STK17A: variants seen among roughly 807,000 people sequenced by gnomAD.
STK17A encodes serine/threonine kinase 17a.
A neutral mutation model predicts 43.7 loss-of-function variants in STK17A; 26 were observed. That is an observed-to-expected ratio of 0.60 (90% CI 0.44 to 0.83). The LOEUF (loss-of-function observed/expected upper bound fraction) is 0.83. Ranked by LOEUF, STK17A falls within the 40% of genes least tolerant of loss-of-function variation. The pLI is 0.00. For missense variants in STK17A, 476 were observed against 511.6 expected, an observed-to-expected ratio of 0.93 and a Z score of 0.67; for synonymous variants, 191 against 182.5, an observed-to-expected ratio of 1.05 and a Z score of -0.38.
chr7:43,585,426 C>T lies in STK17A; in HGVS notation c.206+1977C>T, dbSNP rs565011715. Among the ~76,000 whole-genome samples the T allele has an allele frequency of 2.4e-4, 37 of 151,508 alleles. 1 individual carries two copies. The South Asian group carries it at 7.5e-3, about 31-fold the overall frequency. On this transcript the variant is annotated intron_variant, in intron 1 of 6. Transcript: ENST00000319357. ...TAAACTCCATTATAAAATTAGCTTT[C>T]CGATCAGGTTTTTTTTTAAGATTGT... is the stretch of plus-strand genomic sequence containing the variant.
chr7:43,591,192 AG>A (rs1362677349), intron 1 of STK17A, among the ~76,000 whole-genome samples: 2 of 151,724 alleles, frequency 1.3e-5, no homozygotes, highest in Non-Finnish European at 3.0e-5. Flanking sequence ...AGGATAGAGC[AG>A]GGGTCAGCAA....
chr7:43,604,847 G>A (rs370235371), intron 2 of STK17A, among the ~76,000 whole-genome samples: 81 of 152,098 alleles, frequency 5.3e-4, no homozygotes, highest in African/African-American at 1.9e-3. Context: ...TAGATCCCTG[G>A]GGTCCTGTTT....
intron 4 of STK17A, among the ~76,000 whole-genome samples, chr7:43,621,552 C>G (rs6463199): frequency 0.83 from 125,801 of 152,120 alleles, 52,473 homozygotes; most frequent in African/African-American, 0.94. Context: ...ATCATAGCTT[C>G]CTGCAGCTCC....
intron 1 of STK17A, among the ~76,000 whole-genome samples, chr7:43,590,773 A>G (rs1299530782): frequency 1.3e-5 from 2 of 151,376 alleles, no homozygotes; most frequent in Non-Finnish European, 3.0e-5. Flanking sequence ...GGGAAACATC[A>G]TTTTTAAAAT....
chr7:43,626,958 CAG>C lies in STK17A; in HGVS notation c.*2117_*2118del, dbSNP rs1432049068. Among the ~76,000 whole-genome samples the C allele has an allele frequency of 1.3e-5, 2 of 152,076 alleles. No homozygotes were observed. The highest frequency in any genetic ancestry group is 1.9e-4 in the East Asian group (1 of 5,186). ...CATTTTTTGGTTTATAAGATAAAAA[CAG>C]GGCATGAAGAGCCTTCATAGTATTA... is the stretch of plus-strand genomic sequence containing the variant. On this transcript the variant is annotated 3_prime_UTR_variant, in exon 7 of 7. Transcript: ENST00000319357.
chr7:43,620,463 C>T (rs1218174019), intron 4 of STK17A, among the ~76,000 whole-genome samples: 1 of 152,032 alleles, frequency 6.6e-6, no homozygotes, highest in Non-Finnish European at 1.5e-5. Flanking sequence ...TCACTTGAGG[C>T]CAGGAATCTG....
chr7:43,620,380 TTATTAA>T (rs2083755946), intron 4 of STK17A, among the ~76,000 whole-genome samples: 1 of 152,116 alleles, frequency 6.6e-6, no homozygotes, highest in Admixed American at 6.5e-5. Flanking sequence ...AGAGATTAGA[TTATTAA>T]TATTTAGGCC....
intron 1 of STK17A, among the ~76,000 whole-genome samples, chr7:43,594,192 A>G (rs1435621175): frequency 2.6e-5 from 4 of 151,856 alleles, no homozygotes; most frequent in Non-Finnish European, 5.9e-5. Context: ...CGGAAGTCCA[A>G]GGCTGCATTG....
At chr7:43,599,118 T>A (rs2082540008) in intron 2 of STK17A, among the ~76,000 whole-genome samples, 1 of 152,152 alleles carries the variant, frequency 6.6e-6, no homozygotes, top group Non-Finnish European at 1.5e-5. Context: ...TTTGATGGAG[T>A]CAAATTTGCA....
rs1047348771 is a variant in STK17A, at chr7:43,626,334, A to C, written c.*1492A>C. On this transcript the variant is annotated 3_prime_UTR_variant, in exon 7 of 7. Coordinates refer to ENST00000319357, the MANE Select transcript of STK17A (RefSeq NM_004760.3). ...GTGTGTAAATGTCATAGACATATAC[A>C]AAGTCAGTAATCTCACCCAGTCCTG... is the stretch of plus-strand genomic sequence containing the variant. 6.6e-6 allele frequency: 1 copy of C among 152,244 alleles called. No individual in the cohort carries two copies. Among genetic ancestry groups the C allele is most frequent in the Non-Finnish European group, 1.5e-5 (1 of 68,042 alleles). The allele number at this position is 152,244 out of a possible 1,614,324, so 9.4% of individuals were successfully genotyped here.
At chr7:43,603,292 A>G (rs1161560212) in intron 2 of STK17A, among the ~76,000 whole-genome samples, 1 of 152,154 alleles carries the variant, frequency 6.6e-6, no homozygotes, top group Non-Finnish European at 1.5e-5. Flanking sequence ...TTTGAAGAGG[A>G]AGTCTTAGAG....
At chr7:43,584,041 G>A (rs974961804) in intron 1 of STK17A, among the ~76,000 whole-genome samples, 1 of 152,028 alleles carries the variant, frequency 6.6e-6, no homozygotes, top group Non-Finnish European at 1.5e-5. Context: ...GGTTTCTTTC[G>A]TGGGCGCTTG....
chr7:43,607,687 T>C (rs2082619358), intron 2 of STK17A, among the ~76,000 whole-genome samples: 1 of 150,202 alleles, frequency 6.7e-6, no homozygotes, highest in South Asian at 2.1e-4. Flanking sequence ...TGGGTAACTT[T>C]ATAGTGTAAA....
At position 43,625,027 on chromosome 7, in the gene STK17A, AT is replaced by A; in HGVS notation, c.*188del. 8.1e-6 allele frequency: 4 copies of A among 495,800 alleles called. No individual in the cohort carries two copies. The South Asian group carries it at 1.3e-4, about 16-fold the overall frequency. 30.7% of individuals were successfully genotyped at this position (495,800 alleles called of 1,614,324 possible). On this transcript the variant is annotated 3_prime_UTR_variant, in exon 7 of 7. Coordinates refer to ENST00000319357, the MANE Select transcript of STK17A (RefSeq NM_004760.3). ...GATTTTAAAAGTTGCCAACCAGGAGATTTAACAGGTACAGTTACCCGTTTCA... is the reference window on the plus strand; with the variant it reads ...GATTTTAAAAGTTGCCAACCAGGAGATTAACAGGTACAGTTACCCGTTTCA...
rs1448660444 is a variant in STK17A at position 43,619,704 on chromosome 7, G to T, written c.672G>T (p.Met224Ile). The change falls in exon 4 of 7, where the codon ATG becomes ATT. Residue 224 changes from methionine (M) to isoleucine (I), a missense_variant. Coordinates refer to ENST00000319357, the MANE Select transcript of STK17A (RefSeq NM_004760.3). ...ACAGTGAAGAGCTCCGAGAAATTAT[G>T]GGTACCCCTGAATATGTGGGTAAGT... Reference protein sequence around the residue: ...LKNSEELREIMGTPEYVAPEI... With the variant: ...LKNSEELREIIGTPEYVAPEI... The T allele has an allele frequency of 6.2e-7, 1 of 1,613,864 alleles. No homozygotes were observed. The highest frequency in any genetic ancestry group is 1.7e-5 in the Admixed American group (1 of 59,996).
At chr7:43,624,383 T>C (rs568311912) in intron 6 of STK17A, 135 bp from the exon 7 acceptor site, 8 of 839,678 alleles carry the variant, frequency 9.5e-6, no homozygotes, top group Non-Finnish European at 1.4e-5. Context: ...CTAATAGTTT[T>C]ATTCAGGAAT....
At chr7:43,610,909 G>C (rs1336956898) in intron 3 of STK17A, among the ~76,000 whole-genome samples, 1 of 152,166 alleles carries the variant, frequency 6.6e-6, no homozygotes, top group Admixed American at 6.5e-5. Flanking sequence ...TTGAGGTCAG[G>C]AGTTTGAGAC....
At chr7:43,583,910 T>C (rs2152969966) in intron 1 of STK17A, among the ~76,000 whole-genome samples, 1 of 152,318 alleles carries the variant, frequency 6.6e-6, no homozygotes, top group African/African-American at 2.4e-5. Flanking sequence ...GACCGCTTCC[T>C]TTGCACCGGC....
chr7:43,590,283 A>G (rs888575387), intron 1 of STK17A, among the ~76,000 whole-genome samples: 6 of 151,442 alleles, frequency 4.0e-5, no homozygotes, highest in East Asian at 3.9e-4. Context: ...TCAGTATTCT[A>G]ATAGGTTCCA....
Sources: allele counts gnomAD v4.1 joint callset (sites outside exome capture counted in the v4.1 genomes callset), GRCh38; gene constraint gnomAD v4.1.1; transcripts MANE v1.5; gene names NCBI Gene and HGNC (gene_info 2026-07-23, HGNC 2026-07-21).